The following XKR6 variants were observed in gnomAD, a reference collection of about 807,000 sequenced individuals.
XKR6 encodes XK-related protein 6.
Under a neutral mutation model 56.7 loss-of-function variants are expected in XKR6, and 22 were observed. The ratio of observed to expected loss-of-function variants is 0.39; its 90% confidence interval spans 0.28 to 0.55. The LOEUF (loss-of-function observed/expected upper bound fraction) is 0.55, where lower values mean the gene tolerates loss of function less well. Ranked by LOEUF, XKR6 falls within the 20% of genes least tolerant of loss-of-function variation. XKR6 has a pLI of 0.66. For missense variants in XKR6, 852 were observed against 889.0 expected (o/e 0.96, Z 0.53); for synonymous variants, 524 against 387.8 (o/e 1.35, Z -4.13).
chr8:10,946,633 G>A (rs1801551994), intron 1 of XKR6, among the ~76,000 whole-genome samples: 1 of 151,930 alleles, frequency 6.6e-6, no homozygotes, highest in Admixed American at 6.6e-5. Context: ...GCACTCTACT[G>A]CAGTGATCCA....
intron 1 of XKR6, among the ~76,000 whole-genome samples, chr8:10,951,036 TC>T (rs145736001): frequency 6.6e-6 from 1 of 152,262 alleles, no homozygotes; most frequent in African/African-American, 2.4e-5. Flanking sequence ...CCTGACATCT[TC>T]CTGTGCTTTC....
At chr8:11,119,526 G>C (rs1586571699) in intron 1 of XKR6, among the ~76,000 whole-genome samples, 1 of 152,174 alleles carries the variant, frequency 6.6e-6, no homozygotes, top group East Asian at 1.9e-4. Context: ...AGGACAGTTA[G>C]CTCTTCTTGT....
At chr8:11,047,796 T>TA (rs978158590) in intron 1 of XKR6, among the ~76,000 whole-genome samples, 2 of 152,176 alleles carry the variant, frequency 1.3e-5, no homozygotes, top group African/African-American at 4.8e-5. Context: ...TATTTTACCA[T>TA]AAAAAAATTG....
At chr8:11,166,952 G>A (rs568146923) in intron 1 of XKR6, among the ~76,000 whole-genome samples, 6 of 152,282 alleles carry the variant, frequency 3.9e-5, no homozygotes, top group African/African-American at 4.8e-5. Flanking sequence ...CAGAAATTGA[G>A]GTGATTGCCA....
At chr8:10,972,109 AC>A (rs1286542830) in intron 1 of XKR6, among the ~76,000 whole-genome samples, 1 of 152,060 alleles carries the variant, frequency 6.6e-6, no homozygotes, top group Non-Finnish European at 1.5e-5. Context: ...TGGCTGGAAC[AC>A]CCTGAGTGCC....
At position 11,125,485 on chromosome 8, in the gene XKR6, A is replaced by G. The variant is rs1032246633; in HGVS notation, c.764+75091T>C. Reference sequence around the variant, plus strand: ...ACCACAGAACAGGTGGGAGCTTACTAGGCAGGAAACATACAGAATTGTGAA... The same window carrying G: ...ACCACAGAACAGGTGGGAGCTTACTGGGCAGGAAACATACAGAATTGTGAA... On this transcript the variant is annotated intron_variant, in intron 1 of 2. Transcript: ENST00000416569. 3.1e-4 allele frequency among the ~76,000 whole-genome samples: 47 copies of G among 152,300 alleles called. 1 individual carries two copies. Among genetic ancestry groups the G allele is most frequent in the African/African-American group, 1.1e-3 (45 of 41,570 alleles).
At chr8:11,038,911 TCTGAGGCTTTAGCTAC>T (rs750403778) in intron 1 of XKR6, among the ~76,000 whole-genome samples, 96 of 152,130 alleles carry the variant, frequency 6.3e-4, no homozygotes, top group South Asian at 8.3e-4. Flanking sequence ...TAGGTGGGCT[TCTGAGGCTTTAGCTAC>T]CTGCTTACAC....
At chr8:11,118,727 C>CT (rs1255750667) in intron 1 of XKR6, among the ~76,000 whole-genome samples, 2 of 152,112 alleles carry the variant, frequency 1.3e-5, no homozygotes, top group African/African-American at 4.8e-5. Flanking sequence ...TGCTAGTGGT[C>CT]TATCAATTTG....
rs758100791 is a variant in XKR6 at position 11,056,630 on chromosome 8, G to A, written c.765-131800C>T. On this transcript the variant is annotated intron_variant, in intron 1 of 2. Coordinates refer to ENST00000416569, the MANE Select transcript of XKR6 (RefSeq NM_173683.4). ...AAGGGCAGGTCACTGGGGCCACTGC[G>A]TTCTGGAAGCTGAGTGGTCTACAGA... Among the ~76,000 whole-genome samples, 14 of 152,340 alleles carry A rather than the reference G, an allele frequency of 9.2e-5. 1 individual carries two copies. The highest frequency in any genetic ancestry group is 4.1e-4 in the South Asian group (2 of 4,830).
In XKR6 at chr8:11,067,560, G is replaced by A. The variant is rs117464734; in HGVS notation, c.764+133016C>T. ...ATTATTTATCTTAGACATGGGCCAA[G>A]CGATAATAGACATTTCTTGAAAGGT... On this transcript the variant is annotated intron_variant, in intron 1 of 2. Coordinates refer to ENST00000416569, the MANE Select transcript of XKR6 (RefSeq NM_173683.4). Among the ~76,000 whole-genome samples the A allele has an allele frequency of 8.7e-4, 133 of 152,360 alleles. No individual in the cohort carries two copies. In the East Asian group the frequency reaches 0.022, roughly 25 times the overall value.
chr8:10,994,030 G>T (rs912512710), intron 1 of XKR6, among the ~76,000 whole-genome samples: 4 of 152,130 alleles, frequency 2.6e-5, no homozygotes, highest in Non-Finnish European at 5.9e-5. Flanking sequence ...TTCAGTAGCT[G>T]GGATCCACTA....
intron 1 of XKR6, among the ~76,000 whole-genome samples, chr8:11,006,123 CG>C (rs1483957087): frequency 6.6e-6 from 1 of 151,894 alleles, no homozygotes; most frequent in Non-Finnish European, 1.5e-5. Flanking sequence ...CGATTACAGG[CG>C]TGAACCACTG....
At chr8:10,914,956 G>T (rs919956380) in intron 2 of XKR6, among the ~76,000 whole-genome samples, 1 of 152,210 alleles carries the variant, frequency 6.6e-6, no homozygotes, top group African/African-American at 2.4e-5. Flanking sequence ...GTGTCTGTCA[G>T]CCTGGCCGCC....
At chr8:11,000,062 C>T (rs1332634235) in intron 1 of XKR6, among the ~76,000 whole-genome samples, 2 of 152,156 alleles carry the variant, frequency 1.3e-5, no homozygotes, top group Non-Finnish European at 2.9e-5. Context: ...TGAAGAACAC[C>T]TAAGCCAACA....
intron 1 of XKR6, chr8:11,066,823 G>C (rs929395883): frequency 2.6e-4 from 39 of 152,214 alleles, no homozygotes; most frequent in African/African-American, 9.2e-4. Flanking sequence ...ACCTGCAACA[G>C]GCTGGGGGAA....
rs937373744 is a variant in XKR6, at chr8:11,200,445, G to T, written c.764+131C>A. On this transcript the variant is annotated intron_variant, in intron 1 of 2. Transcript: ENST00000416569. The surrounding 1 kb of genome is among the most constrained non-coding windows in gnomAD (Gnocchi z 6.4). The stretch of plus-strand genomic sequence containing the variant: ...ACGCCGGTCTTTTGGAGACGCCAGG[G>T]GCGGCGCGCGGCCGGTCCCTCCTTC... 6.6e-5 allele frequency: 79 copies of T among 1,200,876 alleles called. No individual in the cohort carries two copies. In the South Asian group the frequency reaches 7.5e-4, roughly 11 times the overall value. 74.4% of individuals were successfully genotyped at this position (1,200,876 alleles called of 1,614,324 possible).
chr8:10,926,680 A>G (rs1800895703), intron 1 of XKR6, among the ~76,000 whole-genome samples: 1 of 152,266 alleles, frequency 6.6e-6, no homozygotes, highest in South Asian at 2.1e-4. Context: ...AGGTCTGGTT[A>G]TCACCATTCA....
intron 1 of XKR6, among the ~76,000 whole-genome samples, chr8:11,113,110 A>C (rs1798987287): frequency 6.6e-6 from 1 of 152,214 alleles, no homozygotes; most frequent in Non-Finnish European, 1.5e-5. Flanking sequence ...CATCAATTAA[A>C]TGACTGCACA....
At chr8:11,009,479 C>G (rs57240497) in intron 1 of XKR6, among the ~76,000 whole-genome samples, 6,488 of 152,216 alleles carry the variant, frequency 0.043, 463 homozygotes, top group African/African-American at 0.15. Context: ...CATTGTACTC[C>G]AGCCTTGGTG....
Sources: gnomAD v4.1 joint callset for allele counts (sites outside exome capture counted in the v4.1 genomes callset) on GRCh38, gnomAD v4.1.1 for gene constraint, Gnocchi (gnomAD v3.1) non-coding constraint, MANE v1.5 for transcripts, NCBI Gene and HGNC (gene_info 2026-07-23, HGNC 2026-07-21) for gene names.